RBFOX1: variants seen among roughly 807,000 people sequenced by gnomAD.
RBFOX1 encodes the protein RNA binding fox-1 homolog 1.
A neutral mutation model predicts 57.7 loss-of-function variants in RBFOX1; 8 were observed. That is an observed-to-expected ratio of 0.14 (90% CI 0.08 to 0.25). The LOEUF is 0.25. Among genes scored for constraint, RBFOX1 ranks in the 10% least tolerant of loss-of-function variants. The probability of loss-of-function intolerance (pLI) is 1.00; values close to 1 mark genes in which losing one functional copy is unlikely to be tolerated. For missense variants in RBFOX1, 611 were observed against 548.5 expected, an observed-to-expected ratio of 1.11 and a Z score of -1.14; for synonymous variants, 326 against 222.4, an observed-to-expected ratio of 1.47 and a Z score of -4.15.
chr16:6,286,488 C>G (rs555819711), intron 1 of RBFOX1, among the ~76,000 whole-genome samples: 1 of 152,180 alleles, frequency 6.6e-6, no homozygotes, highest in Non-Finnish European at 1.5e-5. Context: ...GTACTAGTAC[C>G]TACCTTGCAA....
At chr16:6,795,152 A>G (rs970726596) in intron 3 of RBFOX1, among the ~76,000 whole-genome samples, 30 of 152,202 alleles carry the variant, frequency 2.0e-4, no homozygotes, top group African/African-American at 7.0e-4. Flanking sequence ...GTTGATTCAT[A>G]GTAAGGACCA....
chr16:7,437,845 A>G (rs1030646347), intron 4 of RBFOX1, among the ~76,000 whole-genome samples: 10 of 151,934 alleles, frequency 6.6e-5, no homozygotes, highest in African/African-American at 2.4e-4. Context: ...GACAGGAGGC[A>G]GTCCATTGGA....
At chr16:6,940,118 G>T (rs1205098970) in intron 3 of RBFOX1, among the ~76,000 whole-genome samples, 3 of 152,160 alleles carry the variant, frequency 2.0e-5, no homozygotes, top group African/African-American at 7.2e-5. Flanking sequence ...CTTGAACCCA[G>T]GAGGCGGAGG....
chr16:7,547,606 G>C (rs2084957402), intron 5 of RBFOX1, among the ~76,000 whole-genome samples: 1 of 149,232 alleles, frequency 6.7e-6, no homozygotes, highest in Non-Finnish European at 1.5e-5. Flanking sequence ...GGCAGTGTTA[G>C]AATCAGGATT....
rs376335458 is a variant in RBFOX1 at position 6,310,244 on chromosome 16, G to A, written c.-126-6751G>A. 1.6e-4 allele frequency among the ~76,000 whole-genome samples: 24 copies of A among 152,246 alleles called. No individual in the cohort carries two copies. In the East Asian group the frequency reaches 3.7e-3, roughly 23 times the overall value. On this transcript the variant is annotated intron_variant, in intron 1 of 15. Transcript: ENST00000550418. ...AAACCTTGGAATAGCGGATACAATT[G>A]TATTTCATCAGTAAGAGAAGAGCCT... is the stretch of plus-strand genomic sequence containing the variant.
Position 5,913,515 on chromosome 16 carries a change from C to G in RBFOX1, c.351+46180C>G, listed in dbSNP as rs188027572. On this transcript the variant is annotated intron_variant, in intron 4 of 19. Coordinates refer to the RBFOX1 transcript ENST00000641259. ...TTCCTCTTCCTTGCCGTATGACACA[C>G]CTGCACCCCTTTGCTTTCCGCTGTG... Among the ~76,000 whole-genome samples the G allele has an allele frequency of 2.1e-3, 317 of 152,288 alleles. 1 individual carries two copies. Among genetic ancestry groups the G allele is most frequent in the Non-Finnish European group, 3.4e-3 (234 of 68,022 alleles).
chr16:5,885,576 G>C (rs1184381257), intron 4 of RBFOX1, among the ~76,000 whole-genome samples: 1 of 152,112 alleles, frequency 6.6e-6, no homozygotes, highest in Non-Finnish European at 1.5e-5. Flanking sequence ...AAGAGTGTTT[G>C]GGACAGGGCT....
At chr16:6,892,782 CTCT>C (rs2065810137) in intron 3 of RBFOX1, among the ~76,000 whole-genome samples, 1 of 40,972 alleles carries the variant, frequency 2.4e-5, no homozygotes, top group Non-Finnish European at 5.9e-5. Context: ...CTCCCTCTCT[CTCT>C]CTCTCTCTCT....
Position 6,571,220 on chromosome 16 carries a change from C to G in RBFOX1, c.-63-83383C>G, listed in dbSNP as rs17140631. ...CCCAAAAGGCTTCTTCGAAAATTGT[C>G]AGAGGCTCTTGCCGTTGATAATGTG... On this transcript the variant is annotated intron_variant, in intron 2 of 15. Coordinates refer to ENST00000550418, the MANE Select transcript of RBFOX1 (RefSeq NM_018723.4). Among the ~76,000 whole-genome samples, 1,374 of 152,284 alleles carry G rather than the reference C, an allele frequency of 9.0e-3. 32 individuals carry two copies. Among genetic ancestry groups the G allele is most frequent in the African/African-American group, 0.032 (1,326 of 41,560 alleles).
At chr16:5,653,697 G>T (rs2049327200) in intron 3 of RBFOX1, among the ~76,000 whole-genome samples, 1 of 152,188 alleles carries the variant, frequency 6.6e-6, no homozygotes, top group African/African-American at 2.4e-5. Flanking sequence ...TGCTGGCTCT[G>T]AGAGATACTG....
intron 3 of RBFOX1, among the ~76,000 whole-genome samples, chr16:6,892,861 C>A (rs2065859747): frequency 6.7e-6 from 1 of 150,006 alleles, no homozygotes; most frequent in Non-Finnish European, 1.5e-5. Flanking sequence ...CCCCCCTCCC[C>A]TGTCTGATTT....
At chr16:7,179,562 G>T (rs1032852522) in intron 4 of RBFOX1, among the ~76,000 whole-genome samples, 2 of 151,914 alleles carry the variant, frequency 1.3e-5, no homozygotes, top group Non-Finnish European at 1.5e-5. Flanking sequence ...CATTTTGTCA[G>T]ACATTTTAAA....
At chr16:7,696,639 C>T (rs2078895908) in intron 14 of RBFOX1, among the ~76,000 whole-genome samples, 1 of 152,226 alleles carries the variant, frequency 6.6e-6, no homozygotes, top group Non-Finnish European at 1.5e-5. Context: ...GAGAAGGTCT[C>T]ATCAAAAGAC....
At chr16:6,134,683 A>ATTTTTTTTTTTTTTTTTT (rs61209958) in intron 1 of RBFOX1, among the ~76,000 whole-genome samples, 1 of 143,462 alleles carries the variant, frequency 7.0e-6, no homozygotes. Context: ...AACTCAGAGT[A>ATTTTTTTTTTTTTTTTTT]TTTTTTTTTT....
chr16:7,332,722 A>G (rs967406690), intron 4 of RBFOX1: 33 of 1,249,162 alleles, frequency 2.6e-5, no homozygotes, highest in Admixed American at 6.5e-5. Context: ...TTGGTTAGTC[A>G]TGTTAGGCAA....
intron 3 of RBFOX1, among the ~76,000 whole-genome samples, chr16:6,731,795 C>A (rs938707007): frequency 6.6e-6 from 1 of 152,134 alleles, no homozygotes; most frequent in Admixed American, 6.5e-5. Context: ...TCTCCCTTCC[C>A]CACTGCTGTT....
At chr16:5,518,378 C>T (rs34259685) in intron 2 of RBFOX1, among the ~76,000 whole-genome samples, 35,585 of 152,010 alleles carry the variant, frequency 0.23, 5,207 homozygotes, top group African/African-American at 0.42. Context: ...TCACCATTGC[C>T]CTTCATCACT....
At chr16:5,276,379 G>T (rs551703489) in intron 1 of RBFOX1, among the ~76,000 whole-genome samples, 1 of 152,138 alleles carries the variant, frequency 6.6e-6, no homozygotes, top group Non-Finnish European at 1.5e-5. Context: ...TGAATAGGCA[G>T]TTCCCAAAAG....
chr16:7,255,860 C>T (rs1043766821), intron 4 of RBFOX1, among the ~76,000 whole-genome samples: 3 of 152,168 alleles, frequency 2.0e-5, no homozygotes, highest in South Asian at 2.1e-4. Flanking sequence ...AGATCAGTCA[C>T]ATTTCATGTG....
Sources: allele counts gnomAD v4.1 joint callset (sites outside exome capture counted in the v4.1 genomes callset), GRCh38; gene constraint gnomAD v4.1.1; transcripts MANE v1.5; gene names NCBI Gene and HGNC (gene_info 2026-07-23, HGNC 2026-07-21).